PAGE1: variants seen among roughly 807,000 people sequenced by gnomAD.
The protein encoded by PAGE1 is P antigen family member 1.
In PAGE1, 6 loss-of-function variants were observed where a neutral mutation model predicts 11.5. The observed-to-expected ratio is 0.52, with a 90% CI of 0.29 to 1.03. The LOEUF (loss-of-function observed/expected upper bound fraction) is 1.03. Among genes scored for constraint, PAGE1 ranks in the 50% least tolerant of loss-of-function variants. The probability of loss-of-function intolerance (pLI) is 0.09; values close to 1 mark genes in which losing one functional copy is unlikely to be tolerated. For missense variants in PAGE1, 120 were observed against 110.2 expected (o/e 1.09, Z -0.40); for synonymous variants, 42 against 40.2 (o/e 1.05, Z -0.17).
At chrX:49,695,249 G>A (rs2066937022) in intron 1 of PAGE1, among the ~76,000 whole-genome samples, 1 of 112,403 alleles carries the variant, frequency 8.9e-6, no homozygotes, top group Non-Finnish European at 1.9e-5. Flanking sequence ...TCCCGTGACT[G>A]CTGCTTTTGG....
chrX:49,689,327 C>T (rs921883967), intron 5 of PAGE1, 91 bp downstream of exon 5: 23 of 848,669 alleles, frequency 2.7e-5, no homozygotes, highest in Middle Eastern at 5.1e-4. Flanking sequence ...GTTGACAGAG[C>T]GAGACTCTGT....
intron 2 of PAGE1, 135 bp downstream of exon 2, chrX:49,694,573 T>G (rs1292618018): frequency 1.5e-5 from 6 of 412,409 alleles, no homozygotes; most frequent in Non-Finnish European, 2.5e-5. Flanking sequence ...ACCAGAATCT[T>G]ATTTTTTTAA....
Position 49,694,198 on chromosome X carries a change from A to T in PAGE1, c.67T>A (p.Ser23Thr). ...ACTTCGTCAGGTTGCTCATCACTGG[A>T]CTCCTTGTGGTAGGGAATATGTGTG... ...PMIYVESSEE[S>T]SDEQPDEVES... Residue 23 changes from serine (S) to threonine (T), a missense_variant, in exon 3 of 6, where the codon TCC (serine) becomes ACC (threonine). Ser to Thr is a moderately conservative substitution (Grantham distance 58). Transcript: ENST00000376150. The T allele has an allele frequency of 1.7e-6, 2 of 1,144,315 alleles. No homozygotes were observed. Among genetic ancestry groups the T allele is most frequent in the Non-Finnish European group, 2.4e-6 (2 of 847,033 alleles). 94.3% of individuals were successfully genotyped at this position (1,144,315 alleles called of 1,213,427 possible).
intron 1 of PAGE1, among the ~76,000 whole-genome samples, chrX:49,695,306 G>C (rs1286429844): frequency 8.9e-6 from 1 of 112,155 alleles, no homozygotes; most frequent in African/African-American, 3.2e-5. Context: ...AATCAAGTTT[G>C]GTTGGGCCAC....
intron 4 of PAGE1, among the ~76,000 whole-genome samples, chrX:49,689,772 GTGTATATATACACACATATATA>G (rs2066904967): frequency 3.3e-5 from 2 of 59,873 alleles, no homozygotes; most frequent in Non-Finnish European, 5.7e-5. Flanking sequence ...ATATATATGT[GTGTATATATACACACATATATA>G]TGTATATATA....
At chrX:49,692,414 T>A (rs2066923689) in intron 3 of PAGE1, among the ~76,000 whole-genome samples, 1 of 111,152 alleles carries the variant, frequency 9.0e-6, no homozygotes, top group Admixed American at 9.7e-5. Context: ...TAAGTGTGTG[T>A]GTGAGTGTGT....
intron 3 of PAGE1, 49 bp from the exon 4 acceptor site, chrX:49,691,423 T>C (rs1421747353): frequency 1.5e-5 from 16 of 1,056,450 alleles, no homozygotes; most frequent in Non-Finnish European, 2.1e-5. Context: ...ACATGAAATA[T>C]GAATAAGAAA....
chrX:49,689,800 A>G (rs1181706475), intron 4 of PAGE1, among the ~76,000 whole-genome samples: 1 of 63,558 alleles, frequency 1.6e-5, no homozygotes, highest in Non-Finnish European at 2.7e-5. Flanking sequence ...ATATATGTAT[A>G]TATATGTGTA....
At chrX:49,691,735 G>C (rs2066921228) in intron 3 of PAGE1, among the ~76,000 whole-genome samples, 1 of 111,860 alleles carries the variant, frequency 8.9e-6, no homozygotes, top group South Asian at 3.7e-4. Context: ...TATGGCATGA[G>C]TAGGCACCAA....
At chrX:49,693,131 C>G (rs189872901) in intron 3 of PAGE1, among the ~76,000 whole-genome samples, 1 of 111,701 alleles carries the variant, frequency 9.0e-6, no homozygotes, top group African/African-American at 3.3e-5. Context: ...CTTACAGTCA[C>G]GACACCCATT....
chrX:49,691,858 C>T (rs933002538), intron 3 of PAGE1, among the ~76,000 whole-genome samples: 38 of 112,001 alleles, frequency 3.4e-4, no homozygotes, highest in African/African-American at 1.1e-3. Flanking sequence ...ATCAGCCAGC[C>T]GGGCGTGGTG....
At chrX:49,690,751 A>AT (rs1390000747) in intron 4 of PAGE1, among the ~76,000 whole-genome samples, 1 of 110,966 alleles carries the variant, frequency 9.0e-6, no homozygotes, top group African/African-American at 3.3e-5. Flanking sequence ...TGGGCCAGGC[A>AT]TGGTGGCTCA....
intron 5 of PAGE1, among the ~76,000 whole-genome samples, chrX:49,688,937 T>C (rs2066893364): frequency 8.9e-6 from 1 of 112,519 alleles, no homozygotes; most frequent in Admixed American, 9.4e-5. Flanking sequence ...TTTGTTTCTG[T>C]ATCTGACAGT....
intron 4 of PAGE1, among the ~76,000 whole-genome samples, chrX:49,689,787 CATATATATGT>C (rs2066905353): frequency 5.2e-5 from 3 of 57,467 alleles, no homozygotes; most frequent in African/African-American, 2.3e-4. Flanking sequence ...TATATACACA[CATATATATGT>C]ATATATATGT....
Position 49,689,412 on chromosome X carries a change from G to C in PAGE1, c.418+6C>G, listed in dbSNP as rs782576937. ...CTACAATTTGCATGCCTAATGGATTGCCTACCTTCCTCAGGTGTTTTCACC... is the reference window on the plus strand; with the variant it reads ...CTACAATTTGCATGCCTAATGGATTCCCTACCTTCCTCAGGTGTTTTCACC... On this transcript the variant is annotated splice_donor_region_variant and intron_variant, in intron 5 of 5. Transcript: ENST00000376150. 3.8e-5 allele frequency: 42 copies of C among 1,100,418 alleles called. 1 individual carries two copies. The South Asian group carries it at 7.7e-4, about 20-fold the overall frequency. 90.7% of individuals were successfully genotyped at this position (1,100,418 alleles called of 1,213,427 possible). A position where few individuals can be genotyped will look rare whatever the true frequency, so the allele number is the denominator to read the frequency against.
chrX:49,688,757 G>T (rs2066892738), intron 5 of PAGE1, among the ~76,000 whole-genome samples: 1 of 112,014 alleles, frequency 8.9e-6, no homozygotes. Context: ...GTAAGAGCTG[G>T]TATTAGAACC....
At chrX:49,694,927 T>C in intron 1 of PAGE1, 149 bp from the exon 2 acceptor site, 4 of 404,768 alleles carry the variant, frequency 9.9e-6, no homozygotes, top group Non-Finnish European at 1.7e-5. Context: ...GTACGTTTTC[T>C]GAGTGCTTGC....
intron 2 of PAGE1, 134 bp downstream of exon 2, chrX:49,694,574 A>AT (rs200336341): frequency 0.017 from 6,930 of 411,070 alleles, 150 homozygotes; most frequent in East Asian, 0.092. Context: ...CCAGAATCTT[A>AT]TTTTTTTAAT....
intron 2 of PAGE1, among the ~76,000 whole-genome samples, chrX:49,694,482 T>C (rs2066933397): frequency 9.0e-6 from 1 of 110,729 alleles, no homozygotes; most frequent in Non-Finnish European, 1.9e-5. Flanking sequence ...AAGCAAAGCA[T>C]GAGAAAGAAG....
Sources: allele counts gnomAD v4.1 joint callset (sites outside exome capture counted in the v4.1 genomes callset), GRCh38; gene constraint gnomAD v4.1.1; transcripts MANE v1.5; gene names NCBI Gene and HGNC (gene_info 2026-07-23, HGNC 2026-07-21).